The following IMMP2L variants were observed in gnomAD, a reference collection of about 807,000 sequenced individuals.
IMMP2L encodes inner mitochondrial membrane peptidase subunit 2.
In IMMP2L, 18 loss-of-function variants were observed where a neutral mutation model predicts 19.3. That is an observed-to-expected ratio of 0.93 (90% CI 0.64 to 1.38). The LOEUF (loss-of-function observed/expected upper bound fraction) is 1.38, where lower values mean the gene tolerates loss of function less well. Among genes scored for constraint, IMMP2L ranks in the 40% most tolerant of loss-of-function variants. The probability of loss-of-function intolerance (pLI) is 0.00; values close to 1 mark genes in which losing one functional copy is unlikely to be tolerated. For missense variants in IMMP2L, 233 were observed against 218.2 expected, an observed-to-expected ratio of 1.07 and a Z score of -0.43; for synonymous variants, 76 against 73.0, an observed-to-expected ratio of 1.04 and a Z score of -0.21.
chr7:111,525,049 C>T (rs1846710829), intron 1 of IMMP2L, among the ~76,000 whole-genome samples: 1 of 152,118 alleles, frequency 6.6e-6, no homozygotes, highest in African/African-American at 2.4e-5. Flanking sequence ...CAAGTTTTTA[C>T]AGTCAACTAT....
intron 5 of IMMP2L, 38 bp from the exon 6 acceptor site, chr7:110,663,759 A>T: frequency 7.1e-7 from 1 of 1,413,340 alleles, no homozygotes; most frequent in Non-Finnish European, 9.5e-7. Flanking sequence ...CAATAAAGAG[A>T]TCATTTTATA....
chr7:110,848,735 A>T (rs920884350), intron 5 of IMMP2L, among the ~76,000 whole-genome samples: 8 of 152,172 alleles, frequency 5.3e-5, no homozygotes, highest in African/African-American at 1.9e-4. Flanking sequence ...CTAAAAAGAA[A>T]CAAACTATCA....
intron 1 of IMMP2L, among the ~76,000 whole-genome samples, chr7:111,530,088 G>C (rs1847249212): frequency 6.6e-6 from 1 of 152,114 alleles, no homozygotes. Context: ...TGAAAACCTG[G>C]TGGGCTTTGA....
At chr7:111,530,370 A>G (rs959230275) in intron 1 of IMMP2L, among the ~76,000 whole-genome samples, 1 of 152,206 alleles carries the variant, frequency 6.6e-6, no homozygotes, top group Non-Finnish European at 1.5e-5. Flanking sequence ...AAGGATGTCC[A>G]TTACAGACAA....
chr7:110,664,292 G>A (rs1018285088), intron 5 of IMMP2L, among the ~76,000 whole-genome samples: 1 of 152,082 alleles, frequency 6.6e-6, no homozygotes, highest in Non-Finnish European at 1.5e-5. Context: ...AGCAGCAGGA[G>A]TTAGGTGTGA....
rs182868760 is a variant in IMMP2L, at chr7:111,530,349, A to G, written c.-2-8900T>C. Among the ~76,000 whole-genome samples, 5 of 152,336 alleles carry G rather than the reference A, an allele frequency of 3.3e-5. No individual in the cohort carries two copies. The East Asian group carries it at 7.7e-4, about 23-fold the overall frequency. On this transcript the variant is annotated intron_variant, in intron 1 of 5. Transcript: ENST00000405709. ...ACTAGTAATAACAAATCAAAAAAGG[A>G]TAACAGAATTAAGGATGTCCATTAC... is the stretch of plus-strand genomic sequence containing the variant.
At chr7:110,799,214 G>A (rs1051159834) in intron 5 of IMMP2L, among the ~76,000 whole-genome samples, 20 of 151,984 alleles carry the variant, frequency 1.3e-4, no homozygotes, top group Middle Eastern at 3.4e-3. Context: ...GGACTCCTTC[G>A]CCTGCTAACT....
chr7:110,862,552 C>A (rs184638031), intron 5 of IMMP2L, among the ~76,000 whole-genome samples: 1 of 151,080 alleles, frequency 6.6e-6, no homozygotes, highest in Non-Finnish European at 1.5e-5. Context: ...CAGTGTGTTG[C>A]GCAGGCTGGC....
rs183143813 is a variant in IMMP2L at position 111,428,695 on chromosome 7, A to G, written c.239+58543T>C. 2.3e-3 allele frequency among the ~76,000 whole-genome samples: 344 copies of G among 151,912 alleles called. 11 individuals are homozygous for G. The highest frequency in any genetic ancestry group is 7.9e-3 in the African/African-American group (326 of 41,256). On this transcript the variant is annotated intron_variant, in intron 3 of 5. Coordinates refer to ENST00000405709, the MANE Select transcript of IMMP2L (RefSeq NM_032549.4). ...AAAAAGGTCACAAAAAGACTTTCTG[A>G]AATATAAAATCAGTCTAAGATAAGC...
chr7:110,754,110 AATCT>A (rs1328535262), intron 5 of IMMP2L, among the ~76,000 whole-genome samples: 3 of 151,996 alleles, frequency 2.0e-5, no homozygotes, highest in East Asian at 1.9e-4. Context: ...TCCATCAAAT[AATCT>A]ATCTATTTTG....
In IMMP2L at chr7:110,728,902, C is replaced by CTGTTT. The variant is rs529771155; in HGVS notation, c.409-65186_409-65182dup. On this transcript the variant is annotated intron_variant, in intron 5 of 5. Coordinates refer to ENST00000405709, the MANE Select transcript of IMMP2L (RefSeq NM_032549.4). This position sits in a 1 kb window ranked among gnomAD's most constrained non-coding sequence, Gnocchi z 4.6. Reference sequence around the variant, plus strand: ...AAGTGGGATAAACAGTTGTATTAGTCTGTTTTGTTTTGTTTTGTTTTGTTT... The same window carrying CTGTTT: ...AAGTGGGATAAACAGTTGTATTAGTCTGTTTTGTTTTGTTTTGTTTTGTTTTGTTT... Among the ~76,000 whole-genome samples the CTGTTT allele has an allele frequency of 6.6e-5, 10 of 151,944 alleles. No homozygotes were observed. The highest frequency in any genetic ancestry group is 1.3e-4 in the Admixed American group (2 of 15,236).
chr7:110,969,541 C>T (rs577160268), intron 3 of IMMP2L, among the ~76,000 whole-genome samples: 25 of 151,796 alleles, frequency 1.6e-4, no homozygotes, highest in Non-Finnish European at 3.2e-4. Context: ...GGCAAAATGA[C>T]GTACAGATGA....
rs536874094 is a variant in IMMP2L at position 110,758,925 on chromosome 7, C to T, written c.409-95204G>A. Among the ~76,000 whole-genome samples, 25 of 152,188 alleles carry T rather than the reference C, an allele frequency of 1.6e-4. No homozygotes were observed. The highest frequency in any genetic ancestry group is 1.3e-3 in the Admixed American group (20 of 15,254). On this transcript the variant is annotated intron_variant, in intron 5 of 5. Transcript: ENST00000405709. The surrounding 1 kb of genome is among the most constrained non-coding windows in gnomAD (Gnocchi z 4.6). Reference sequence around the variant, plus strand: ...AATGAAAAGTGCTTATAGACAGAGACGTCTAGAAATGACCAGTGGAGATCT... The same window carrying T: ...AATGAAAAGTGCTTATAGACAGAGATGTCTAGAAATGACCAGTGGAGATCT...
intron 3 of IMMP2L, among the ~76,000 whole-genome samples, chr7:111,122,067 C>T (rs1166291582): frequency 1.1e-4 from 14 of 123,264 alleles, no homozygotes; most frequent in African/African-American, 3.5e-4. Flanking sequence ...CATCACACAC[C>T]GGGGCCTGTT....
At chr7:111,150,469 A>G (rs932821576) in intron 3 of IMMP2L, among the ~76,000 whole-genome samples, 1 of 152,122 alleles carries the variant, frequency 6.6e-6, no homozygotes, top group Non-Finnish European at 1.5e-5. Context: ...TGACAGTACA[A>G]ACTTGCACCA....
intron 3 of IMMP2L, among the ~76,000 whole-genome samples, chr7:110,986,242 G>T (rs1821838652): frequency 6.6e-6 from 1 of 151,846 alleles, no homozygotes; most frequent in South Asian, 2.1e-4. Context: ...GCTTTTCCTG[G>T]TTACACTTGG....
chr7:111,229,977 G>C (rs1354708335), intron 3 of IMMP2L, among the ~76,000 whole-genome samples: 1 of 152,034 alleles, frequency 6.6e-6, no homozygotes, highest in Non-Finnish European at 1.5e-5. Context: ...ACCCTGGACA[G>C]TGTGGTATGG....
intron 3 of IMMP2L, among the ~76,000 whole-genome samples, chr7:111,334,910 A>T (rs1319984190): frequency 6.6e-6 from 1 of 152,140 alleles, no homozygotes; most frequent in Non-Finnish European, 1.5e-5. Context: ...TCAGGTAACG[A>T]TGGAATTCAG....
chr7:111,109,485 T>C (rs1798937145), intron 3 of IMMP2L, among the ~76,000 whole-genome samples: 1 of 152,152 alleles, frequency 6.6e-6, no homozygotes, highest in South Asian at 2.1e-4. Flanking sequence ...CATTAACAAC[T>C]AGTAAGGGGG....
Sources: allele counts gnomAD v4.1 joint callset (sites outside exome capture counted in the v4.1 genomes callset), GRCh38; gene constraint gnomAD v4.1.1; non-coding constraint Gnocchi (gnomAD v3.1); transcripts MANE v1.5; gene names NCBI Gene and HGNC (gene_info 2026-07-23, HGNC 2026-07-21).